TASP1: variants seen among roughly 807,000 people sequenced by gnomAD.
TASP1 encodes taspase 1.
Under a neutral mutation model 56.6 loss-of-function variants are expected in TASP1, and 16 were observed. The observed-to-expected ratio is 0.28, with a 90% confidence interval of 0.19 to 0.43. The LOEUF is 0.43. TASP1 is among the 20% of genes least tolerant of loss of function. The pLI, the probability that TASP1 is intolerant of heterozygous loss-of-function variation, is 1.00. For synonymous variants in TASP1, 179 were observed against 184.2 expected (o/e 0.97, Z 0.23); for missense variants, 393 against 511.6 (o/e 0.77, Z 2.24).
the TASP1 span, among the ~76,000 whole-genome samples, chr20:13,146,385 A>G: frequency 1.3e-5 from 2 of 152,092 alleles, no homozygotes; most frequent in Admixed American, 6.6e-5. Flanking sequence ...ACACGTGTTT[A>G]CCTATGTAAC....
At chr20:13,559,318 A>C (rs1371915286) in intron 7 of TASP1, among the ~76,000 whole-genome samples, 1 of 152,134 alleles carries the variant, frequency 6.6e-6, no homozygotes, top group Non-Finnish European at 1.5e-5. Flanking sequence ...AAAATGGTCC[A>C]ACCCAGAGAA....
At chr20:13,180,320 C>G in the TASP1 span, among the ~76,000 whole-genome samples, 58 of 152,248 alleles carry the variant, frequency 3.8e-4, no homozygotes, top group Admixed American at 2.6e-3. Context: ...TGATTAAATG[C>G]CTGTAACCTA....
chr20:13,176,207 T>A, the TASP1 span, among the ~76,000 whole-genome samples: 2 of 152,168 alleles, frequency 1.3e-5, no homozygotes, highest in African/African-American at 2.4e-5. Flanking sequence ...AAAATTTGAC[T>A]TCCTCCTTTC....
the TASP1 span, among the ~76,000 whole-genome samples, chr20:13,361,961 T>G: frequency 1.3e-5 from 2 of 151,800 alleles, no homozygotes; most frequent in Non-Finnish European, 2.9e-5. Flanking sequence ...TTCCATTTAG[T>G]TTCTCAATTC....
the TASP1 span, among the ~76,000 whole-genome samples, chr20:13,296,497 A>T: frequency 6.6e-6 from 1 of 152,234 alleles, no homozygotes; most frequent in Non-Finnish European, 1.5e-5. Context: ...AAGATCTGCA[A>T]GCATCTCAAG....
chr20:13,434,926 C>G, intron 12 of TASP1, 118 bp downstream of exon 12: 3 of 622,700 alleles, frequency 4.8e-6, no homozygotes, highest in Non-Finnish European at 8.4e-6. Context: ...GTTCAGATAT[C>G]AATAAAGCAT....
In TASP1 at chr20:13,512,877, G is replaced by T. The variant is rs185798283; in HGVS notation, c.874+15556C>A. Among the ~76,000 whole-genome samples, 276 of 152,234 alleles carry T rather than the reference G, an allele frequency of 1.8e-3. 1 individual carries two copies. The highest frequency in any genetic ancestry group is 6.2e-3 in the African/African-American group (259 of 41,544). The stretch of plus-strand genomic sequence containing the variant: ...ATAGGGAATCCTTTCCCCATTGCTT[G>T]TTTTTGTCAGGTTTGTCAAAGATCA... On this transcript the variant is annotated intron_variant, in intron 10 of 13. Coordinates refer to ENST00000337743, the MANE Select transcript of TASP1 (RefSeq NM_017714.3).
the TASP1 span, among the ~76,000 whole-genome samples, chr20:13,141,348 A>C: frequency 1.3e-5 from 2 of 152,226 alleles, no homozygotes; most frequent in African/African-American, 2.4e-5. Flanking sequence ...AGAGGGAATG[A>C]AAAGCAAAGA....
chr20:13,272,062 A>C, the TASP1 span, among the ~76,000 whole-genome samples: 1 of 152,200 alleles, frequency 6.6e-6, no homozygotes, highest in Non-Finnish European at 1.5e-5. Flanking sequence ...TACAAGTATG[A>C]GCCACCACAG....
chr20:13,343,152 G>A, the TASP1 span, among the ~76,000 whole-genome samples: 5 of 152,252 alleles, frequency 3.3e-5, no homozygotes, highest in East Asian at 5.8e-4. Context: ...GACATTCCTG[G>A]GTGAGTGGGC....
the TASP1 span, among the ~76,000 whole-genome samples, chr20:13,227,841 T>C: frequency 6.6e-6 from 1 of 152,090 alleles, no homozygotes; most frequent in Non-Finnish European, 1.5e-5. Context: ...TTCTTATTAA[T>C]AAGCTATATT....
chr20:13,582,994 A>G (rs1472307417), intron 5 of TASP1, among the ~76,000 whole-genome samples: 1 of 152,210 alleles, frequency 6.6e-6, no homozygotes, highest in East Asian at 1.9e-4. Context: ...CTAAGTGCCC[A>G]CAGGGAGCAG....
At chr20:13,286,653 AC>A in the TASP1 span, among the ~76,000 whole-genome samples, 13 of 151,560 alleles carry the variant, frequency 8.6e-5, no homozygotes, top group South Asian at 2.7e-3. Flanking sequence ...CATGAAATCC[AC>A]CCCCCACCAC....
chr20:13,271,633 A>G, the TASP1 span, among the ~76,000 whole-genome samples: 1 of 152,128 alleles, frequency 6.6e-6, no homozygotes, highest in Non-Finnish European at 1.5e-5. Flanking sequence ...CAGACTCCCA[A>G]CCCACATTCA....
chr20:13,154,676 C>T, the TASP1 span, among the ~76,000 whole-genome samples: 1 of 152,150 alleles, frequency 6.6e-6, no homozygotes, highest in African/African-American at 2.4e-5. Context: ...AACTGAGGCT[C>T]ACATTGAAGC....
chr20:13,152,509 TG>T, the TASP1 span, among the ~76,000 whole-genome samples: 1 of 152,216 alleles, frequency 6.6e-6, no homozygotes, highest in African/African-American at 2.4e-5. Flanking sequence ...CTCAGTGTCC[TG>T]CGCAGTGGCT....
the TASP1 span, among the ~76,000 whole-genome samples, chr20:13,256,354 C>G: frequency 7.0e-6 from 1 of 142,442 alleles, no homozygotes; most frequent in Non-Finnish European, 1.5e-5. Context: ...CTAGATTGCA[C>G]TATCATACTC....
At chr20:13,272,613 C>T in the TASP1 span, among the ~76,000 whole-genome samples, 21,643 of 152,168 alleles carry the variant, frequency 0.14, 1,604 homozygotes, top group East Asian at 0.21. Flanking sequence ...ACAACCCATG[C>T]ACAGAAATCA....
At chr20:13,287,635 T>C in the TASP1 span, among the ~76,000 whole-genome samples, 1 of 152,206 alleles carries the variant, frequency 6.6e-6, no homozygotes, top group Non-Finnish European at 1.5e-5. Context: ...CACTAAAATA[T>C]TAGTTCCTCC....
Sources: gnomAD v4.1 joint callset for allele counts (sites outside exome capture counted in the v4.1 genomes callset) on GRCh38, gnomAD v4.1.1 for gene constraint, MANE v1.5 for transcripts, NCBI Gene and HGNC (gene_info 2026-07-23, HGNC 2026-07-21) for gene names.